Variants in AUTS2 observed in about 807,000 individuals in gnomAD.
AUTS2 encodes the protein activator of transcription and developmental regulator AUTS2, also known as autism susceptibility gene 2 protein.
AUTS2 carries 17 observed loss-of-function variants against 112.4 expected under a neutral mutation model. That is an observed-to-expected ratio of 0.15 (90% CI 0.10 to 0.23). AUTS2 has a LOEUF of 0.23. Among genes scored for constraint, AUTS2 ranks in the 10% least tolerant of loss-of-function variants. AUTS2 has a pLI of 1.00. For missense variants in AUTS2, 1,510 were observed against 1,701.6 expected, an observed-to-expected ratio of 0.89 and a Z score of 1.98; for synonymous variants, 751 against 702.7, an observed-to-expected ratio of 1.07 and a Z score of -1.09.
intron 1 of AUTS2, among the ~76,000 whole-genome samples, chr7:69,631,417 T>C (rs1456307534): frequency 6.6e-6 from 1 of 152,218 alleles, no homozygotes; most frequent in Non-Finnish European, 1.5e-5. Flanking sequence ...AACATCTGGG[T>C]CAGGGTCAGA....
chr7:69,791,689 G>A (rs1789611421), intron 1 of AUTS2, among the ~76,000 whole-genome samples: 1 of 152,150 alleles, frequency 6.6e-6, no homozygotes, highest in African/African-American at 2.4e-5. Flanking sequence ...GTCTTTTCAT[G>A]GTTTAATTCC....
At chr7:70,381,990 C>A (rs1479737791) in intron 4 of AUTS2, among the ~76,000 whole-genome samples, 2 of 150,256 alleles carry the variant, frequency 1.3e-5, no homozygotes, top group African/African-American at 5.1e-5. Flanking sequence ...AGTCTTCACT[C>A]ACAGAGCTTA....
At position 70,553,760 on chromosome 7, in the gene AUTS2, CTTTTTTTTTTTTT is replaced by C. The variant is rs71531706; in HGVS notation, c.690+117991_690+118003del. On this transcript the variant is annotated intron_variant, in intron 5 of 18. Transcript: ENST00000342771. Reference sequence around the variant, plus strand: ...GACCTTGAGAAAGAGGCCTTTCTTTCTTTTTTTTTTTTTTTTTTTTTTTTGAGACGGAGTCTTG... The same window carrying C: ...GACCTTGAGAAAGAGGCCTTTCTTTCTTTTTTTTTTTGAGACGGAGTCTTG... 1.4e-3 allele frequency among the ~76,000 whole-genome samples: 77 copies of C among 56,124 alleles called. 1 individual carries two copies. The highest frequency in any genetic ancestry group is 5.0e-3 in the African/African-American group (66 of 13,204). The allele number at this position is 56,124 out of a possible 152,430, so 36.8% of individuals were successfully genotyped here.
intron 2 of AUTS2, among the ~76,000 whole-genome samples, chr7:70,061,199 C>A (rs987372324): frequency 6.6e-6 from 1 of 151,942 alleles, no homozygotes; most frequent in African/African-American, 2.4e-5. Context: ...TGTTTATGTG[C>A]GAAATGGAGA....
intron 5 of AUTS2, among the ~76,000 whole-genome samples, chr7:70,514,237 A>G (rs1459800058): frequency 6.6e-6 from 1 of 152,236 alleles, no homozygotes; most frequent in Non-Finnish European, 1.5e-5. Flanking sequence ...CGAAGTCCAC[A>G]GTCAACCATT....
chr7:70,397,436 A>G (rs956120423), intron 4 of AUTS2, among the ~76,000 whole-genome samples: 3 of 152,086 alleles, frequency 2.0e-5, no homozygotes, highest in Admixed American at 6.6e-5. Flanking sequence ...TCTAATGACT[A>G]CTGATATTGA....
chr7:70,470,254 C>T (rs979248171), intron 5 of AUTS2, among the ~76,000 whole-genome samples: 2 of 152,162 alleles, frequency 1.3e-5, no homozygotes, highest in Non-Finnish European at 2.9e-5. Context: ...GAACTCAGCA[C>T]CTTATTCAGC....
At chr7:70,652,883 T>C (rs1238702928) in intron 5 of AUTS2, among the ~76,000 whole-genome samples, 1 of 152,218 alleles carries the variant, frequency 6.6e-6, no homozygotes, top group Non-Finnish European at 1.5e-5. Flanking sequence ...ATCCAGATTC[T>C]TTTTTGTAAT....
intron 2 of AUTS2, among the ~76,000 whole-genome samples, chr7:70,063,509 G>A (rs542141403): frequency 1.3e-5 from 2 of 152,198 alleles, no homozygotes; most frequent in East Asian, 1.9e-4. Context: ...TCTCAGCCTC[G>A]GTTTTCTCAC....
intron 5 of AUTS2, among the ~76,000 whole-genome samples, chr7:70,647,956 G>C (rs1216494681): frequency 6.6e-6 from 1 of 152,160 alleles, no homozygotes; most frequent in African/African-American, 2.4e-5. Context: ...TATCCATTCA[G>C]GAAATGTCAC....
chr7:70,648,507 A>G (rs140783231), intron 5 of AUTS2, among the ~76,000 whole-genome samples: 78 of 152,356 alleles, frequency 5.1e-4, no homozygotes, highest in African/African-American at 1.9e-3. Flanking sequence ...ATGAAGCACA[A>G]CCTAGTAGCA....
intron 6 of AUTS2, among the ~76,000 whole-genome samples, chr7:70,730,999 T>C (rs1345581683): frequency 1.3e-5 from 2 of 152,222 alleles, no homozygotes; most frequent in Admixed American, 6.5e-5. Flanking sequence ...TGACTAATGA[T>C]GTTGAGCATC....
At chr7:70,359,846 T>C (rs1792179647) in intron 4 of AUTS2, among the ~76,000 whole-genome samples, 1 of 152,220 alleles carries the variant, frequency 6.6e-6, no homozygotes, top group South Asian at 2.1e-4. Flanking sequence ...CAATGTAGTA[T>C]GTGTTTTCTA....
chr7:70,692,123 C>A (rs1481297626), intron 5 of AUTS2, among the ~76,000 whole-genome samples: 1 of 152,152 alleles, frequency 6.6e-6, no homozygotes, highest in Non-Finnish European at 1.5e-5. Flanking sequence ...CTGCCTCGGC[C>A]TCCCAAAGTG....
intron 5 of AUTS2, among the ~76,000 whole-genome samples, chr7:70,499,705 A>G (rs1200273376): frequency 6.6e-6 from 1 of 152,190 alleles, no homozygotes; most frequent in Non-Finnish European, 1.5e-5. Context: ...ACCAGTGGAG[A>G]GTCTTAGGAG....
chr7:70,729,207 TGC>T (rs1192513134), intron 6 of AUTS2: 1 of 456,606 alleles, frequency 2.2e-6, no homozygotes, highest in South Asian at 1.5e-5. Flanking sequence ...GGAGCTCCCG[TGC>T]CGATGGTTAA....
chr7:69,651,027 G>A (rs1045681931), intron 1 of AUTS2, among the ~76,000 whole-genome samples: 1 of 152,142 alleles, frequency 6.6e-6, no homozygotes, highest in Non-Finnish European at 1.5e-5. Flanking sequence ...TGCTGAAAGG[G>A]ATACTTTTTT....
chr7:70,740,560 C>T (rs1353410220), intron 6 of AUTS2, among the ~76,000 whole-genome samples: 2 of 152,056 alleles, frequency 1.3e-5, no homozygotes, highest in Admixed American at 1.3e-4. Flanking sequence ...ATAGTAAGTG[C>T]TTAATACATT....
intron 1 of AUTS2, among the ~76,000 whole-genome samples, chr7:69,639,549 G>T (rs1346486124): frequency 6.6e-6 from 1 of 152,212 alleles, no homozygotes; most frequent in Admixed American, 6.5e-5. Flanking sequence ...CGCCTGCTCT[G>T]CTGTGTCTTT....
Sources: gnomAD v4.1 joint callset for allele counts (sites outside exome capture counted in the v4.1 genomes callset) on GRCh38, gnomAD v4.1.1 for gene constraint, MANE v1.5 for transcripts, NCBI Gene and HGNC (gene_info 2026-07-23, HGNC 2026-07-21) for gene names.